Variants in LAMC1 observed in about 807,000 individuals in gnomAD.
The protein encoded by LAMC1 is laminin subunit gamma-1.
LAMC1 carries 38 observed loss-of-function variants against 173.6 expected under a neutral mutation model. That is an observed-to-expected ratio of 0.22 (90% CI 0.17 to 0.29). The LOEUF is 0.29. Ranked by LOEUF, LAMC1 falls within the 10% of genes least tolerant of loss-of-function variation. LAMC1 has a pLI of 1.00. For synonymous variants in LAMC1, 746 were observed against 749.1 expected (o/e 1.00, Z 0.07); for missense variants, 1,824 against 2,051.8 (o/e 0.89, Z 2.14).
intron 27 of LAMC1, chr1:183,140,736 A>G (rs948891129): frequency 1.7e-5 from 5 of 295,488 alleles, no homozygotes; most frequent in African/African-American, 4.4e-5. Context: ...CTTCTTTACC[A>G]TACTTATTAT....
chr1:183,062,813 G>T (rs903507214), intron 1 of LAMC1, among the ~76,000 whole-genome samples: 1 of 152,112 alleles, frequency 6.6e-6, no homozygotes, highest in Non-Finnish European at 1.5e-5. Flanking sequence ...AATTAGCTGT[G>T]CTTGGTGGTG....
Position 183,133,418 on chromosome 1 carries a change from G to A in LAMC1, c.3717G>A (p.Ala1239=), listed in dbSNP as rs199999208. Residue 1239 remains alanine, a synonymous_variant, in exon 22 of 28, where the codon GCG becomes GCA. Coordinates refer to ENST00000258341, the MANE Select transcript of LAMC1 (RefSeq NM_002293.4). ...IEELNRKYEQ[A]KNISQDLEKQ... The stretch of plus-strand genomic sequence containing the variant: ...ATTTGTGTCTTAGGTATGAACAAGC[G>A]AAGAACATCTCACAGGATCTGGAAA... 1.4e-5 allele frequency: 22 copies of A among 1,613,598 alleles called. No individual in the cohort carries two copies. The highest frequency in any genetic ancestry group is 2.2e-5 in the South Asian group (2 of 90,988).
chr1:183,136,138 C>T (rs560595224), intron 24 of LAMC1, among the ~76,000 whole-genome samples: 3 of 152,132 alleles, frequency 2.0e-5, no homozygotes, highest in Admixed American at 6.5e-5. Flanking sequence ...GGATGCTCAG[C>T]GCTCTGCATT....
chr1:183,056,253 T>C (rs1654593132), intron 1 of LAMC1, among the ~76,000 whole-genome samples: 1 of 152,220 alleles, frequency 6.6e-6, no homozygotes, highest in Admixed American at 6.5e-5. Context: ...TGAGCCATAG[T>C]GTTTCCCTTA....
At chr1:183,068,089 T>C (rs1223406955) in intron 1 of LAMC1, among the ~76,000 whole-genome samples, 1 of 152,190 alleles carries the variant, frequency 6.6e-6, no homozygotes, top group African/African-American at 2.4e-5. Context: ...CTACTGAGGC[T>C]TAGGGGCTAG....
chr1:183,137,171 A>G (rs547784131), intron 25 of LAMC1, among the ~76,000 whole-genome samples: 1 of 152,326 alleles, frequency 6.6e-6, no homozygotes, highest in Non-Finnish European at 1.5e-5. Flanking sequence ...GAAACCTCTT[A>G]GTTTCCTTAG....
At chr1:183,104,344 G>C (rs1214069972) in intron 2 of LAMC1, among the ~76,000 whole-genome samples, 2 of 152,172 alleles carry the variant, frequency 1.3e-5, no homozygotes, top group Admixed American at 6.5e-5. Context: ...CCATAATACG[G>C]AATTCTTCTA....
intron 1 of LAMC1, among the ~76,000 whole-genome samples, chr1:183,037,881 C>G (rs1440537222): frequency 6.6e-6 from 1 of 151,952 alleles, no homozygotes; most frequent in African/African-American, 2.4e-5. Context: ...TTTTTTCTCC[C>G]TCATGCCCTA....
Position 183,066,966 on chromosome 1 carries a change from T to TA in LAMC1, c.419-36353dup, listed in dbSNP as rs543105513. ...GTATCTGAGAACTTAAAGTATAATT[T>TA]AAAAAAAAATGTAAAGAAAAGCATC... On this transcript the variant is annotated intron_variant, in intron 1 of 27. Coordinates refer to ENST00000258341, the MANE Select transcript of LAMC1 (RefSeq NM_002293.4). Among the ~76,000 whole-genome samples, 704 of 151,658 alleles carry TA rather than the reference T, an allele frequency of 4.6e-3. 7 individuals carry two copies. Among genetic ancestry groups the TA allele is most frequent in the African/African-American group, 0.016 (656 of 41,380 alleles).
At chr1:183,086,759 G>A (rs1399708350) in intron 1 of LAMC1, among the ~76,000 whole-genome samples, 2 of 152,192 alleles carry the variant, frequency 1.3e-5, no homozygotes, top group African/African-American at 2.4e-5. Flanking sequence ...GCATTGTAGA[G>A]GGTCAGAAAA....
rs1339947479 is a variant in LAMC1, at chr1:183,143,677, G to A, written c.*887G>A. On this transcript the variant is annotated 3_prime_UTR_variant, in exon 28 of 28. Coordinates refer to ENST00000258341, the MANE Select transcript of LAMC1 (RefSeq NM_002293.4). Reference sequence around the variant, plus strand: ...ATTCTTACAGCTTTTTTATTAGTTAGTCTTGGAACTAGTGTTAAGTATCTG... The same window carrying A: ...ATTCTTACAGCTTTTTTATTAGTTAATCTTGGAACTAGTGTTAAGTATCTG... The A allele has an allele frequency of 6.6e-6, 1 of 152,226 alleles. No homozygotes were observed. The highest frequency in any genetic ancestry group is 1.5e-5 in the Non-Finnish European group (1 of 68,024). The allele number at this position is 152,226 out of a possible 1,614,324, so 9.4% of individuals were successfully genotyped here.
intron 1 of LAMC1, among the ~76,000 whole-genome samples, chr1:183,052,459 G>A (rs530805192): frequency 1.3e-5 from 2 of 151,944 alleles, no homozygotes; most frequent in East Asian, 3.9e-4. Context: ...TCAGCCTCCC[G>A]AGTAGCTGGG....
In LAMC1 at chr1:183,110,655, G is replaced by T; in HGVS notation, c.1021+1G>T. On this transcript the variant is annotated splice_donor_variant, in intron 4 of 27. Transcript: ENST00000258341. LOFTEE classifies it high-confidence loss of function. ...GCGGAAAGTGCCAGTGAATGCCTGCGTGAGTGCCCCATGACGTCAGTCTGT... is the reference window on the plus strand; with the variant it reads ...GCGGAAAGTGCCAGTGAATGCCTGCTTGAGTGCCCCATGACGTCAGTCTGT... 1 of 1,613,432 alleles carries T rather than the reference G, an allele frequency of 6.2e-7. No homozygotes were observed. Among genetic ancestry groups the T allele is most frequent in the Non-Finnish European group, 8.5e-7 (1 of 1,179,674 alleles).
chr1:183,135,084 C>T lies in LAMC1; in HGVS notation c.4042C>T (p.Leu1348Phe). The T allele has an allele frequency of 1.9e-6, 3 of 1,614,174 alleles. No homozygotes were observed. Among genetic ancestry groups the T allele is most frequent in the Middle Eastern group, 1.6e-4 (1 of 6,062 alleles). The change falls in exon 24 of 28, where the codon CTC (leucine) becomes TTC (phenylalanine). Residue 1348 changes from leucine (L) to phenylalanine (F), a missense_variant. Transcript: ENST00000258341. ...AGCCCGAGCTGATGCTGCCAAGGCC[C>T]TCGCTGAAGAAGCTGCAAAGAAGGG... Reference protein sequence around the residue: ...LLARADAAKALAEEAAKKGRD... With the variant: ...LLARADAAKAFAEEAAKKGRD...
At chr1:183,084,295 A>T (rs1655366482) in intron 1 of LAMC1, among the ~76,000 whole-genome samples, 1 of 151,938 alleles carries the variant, frequency 6.6e-6, no homozygotes, top group South Asian at 2.1e-4. Context: ...GTGAGCCAAG[A>T]TCGCGCCGCC....
chr1:183,066,989 A>G (rs1170625246), intron 1 of LAMC1, among the ~76,000 whole-genome samples: 2 of 152,196 alleles, frequency 1.3e-5, no homozygotes, highest in East Asian at 3.8e-4. Flanking sequence ...AAAGAAAAGC[A>G]TCTGCCACAG....
chr1:183,037,041 G>A (rs186892693), intron 1 of LAMC1, among the ~76,000 whole-genome samples: 299 of 152,324 alleles, frequency 2.0e-3, no homozygotes, highest in African/African-American at 6.5e-3. Flanking sequence ...CTCCCAAAGT[G>A]CTGGGATTAC....
intron 1 of LAMC1, among the ~76,000 whole-genome samples, chr1:183,063,985 A>T (rs915483410): frequency 4.6e-5 from 7 of 152,162 alleles, no homozygotes; most frequent in African/African-American, 1.7e-4. Context: ...TTAAATTTTT[A>T]TTGACAGGCT....
intron 1 of LAMC1, among the ~76,000 whole-genome samples, chr1:183,051,804 A>G (rs533203097): frequency 4.6e-5 from 7 of 152,328 alleles, no homozygotes; most frequent in African/African-American, 1.7e-4. Flanking sequence ...TTCTAACTGA[A>G]GCCTGGCAGA....
Sources: allele counts gnomAD v4.1 joint callset (sites outside exome capture counted in the v4.1 genomes callset), GRCh38; gene constraint gnomAD v4.1.1; transcripts MANE v1.5; gene names NCBI Gene and HGNC (gene_info 2026-07-23, HGNC 2026-07-21).